Variants in CTNNBL1 observed in about 807,000 individuals in gnomAD.
CTNNBL1 encodes beta-catenin-like protein 1.
Under a neutral mutation model 72.7 loss-of-function variants are expected in CTNNBL1, and 31 were observed. The ratio of observed to expected loss-of-function variants is 0.43; its 90% CI spans 0.32 to 0.58. CTNNBL1 has a LOEUF of 0.58. Ranked by LOEUF, CTNNBL1 falls within the 20% of genes least tolerant of loss-of-function variation. The pLI, the probability that CTNNBL1 is intolerant of heterozygous loss-of-function variation, is 0.08. For synonymous variants in CTNNBL1, 240 were observed against 267.3 expected, an observed-to-expected ratio of 0.90 and a Z score of 1.00; for missense variants, 534 against 725.1, an observed-to-expected ratio of 0.74 and a Z score of 3.03.
intron 1 of CTNNBL1, among the ~76,000 whole-genome samples, chr20:37,713,873 G>A (rs1220474049): frequency 6.6e-6 from 1 of 152,094 alleles, no homozygotes; most frequent in African/African-American, 2.4e-5. Context: ...CCCACTGAGA[G>A]CCAGGCTTTG....
At chr20:37,801,920 G>A (rs2073826697) in intron 10 of CTNNBL1, among the ~76,000 whole-genome samples, 2 of 152,206 alleles carry the variant, frequency 1.3e-5, no homozygotes, top group African/African-American at 4.8e-5. Context: ...CTATCTGTTT[G>A]CAGATAACAT....
At chr20:37,763,249 A>G (rs1388381913) in intron 5 of CTNNBL1, among the ~76,000 whole-genome samples, 5 of 152,168 alleles carry the variant, frequency 3.3e-5, no homozygotes, top group East Asian at 1.9e-4. Context: ...CGTACTCAAA[A>G]TGTCCAGTTA....
intron 1 of CTNNBL1, among the ~76,000 whole-genome samples, chr20:37,723,430 T>C (rs2073058638): frequency 6.6e-6 from 1 of 152,196 alleles, no homozygotes; most frequent in South Asian, 2.1e-4. Flanking sequence ...CTGTAATTTG[T>C]TTTTAATTGG....
chr20:37,709,496 GA>G (rs992033340), intron 1 of CTNNBL1, among the ~76,000 whole-genome samples: 2 of 152,162 alleles, frequency 1.3e-5, no homozygotes, highest in African/African-American at 2.4e-5. Context: ...TGTATAAAAA[GA>G]AACAAATTGT....
chr20:37,752,205 C>G (rs1464063466), intron 4 of CTNNBL1, among the ~76,000 whole-genome samples: 1 of 152,104 alleles, frequency 6.6e-6, no homozygotes, highest in Non-Finnish European at 1.5e-5. Context: ...TGGCATGTTA[C>G]TCCCCACTGG....
At position 37,809,497 on chromosome 20, in the gene CTNNBL1, T is replaced by C. The variant is rs572704959; in HGVS notation, c.1213+6449T>C. ...GAAGATGGGGTCATTGTGAGGCTCATTGAAATCATGGCTTTAGGTCATACA... is the reference window on the plus strand; with the variant it reads ...GAAGATGGGGTCATTGTGAGGCTCACTGAAATCATGGCTTTAGGTCATACA... On this transcript the variant is annotated intron_variant, in intron 11 of 15. Coordinates refer to ENST00000361383, the MANE Select transcript of CTNNBL1 (RefSeq NM_030877.5). 1.2e-4 allele frequency among the ~76,000 whole-genome samples: 18 copies of C among 152,356 alleles called. No individual in the cohort carries two copies. The East Asian group carries it at 1.5e-3, about 13-fold the overall frequency.
chr20:37,754,039 C>T (rs1170490388), intron 4 of CTNNBL1, among the ~76,000 whole-genome samples: 5 of 152,176 alleles, frequency 3.3e-5, no homozygotes, highest in East Asian at 1.9e-4. Flanking sequence ...ATGAATATGA[C>T]ATGACCCTTG....
rs2073485061 is a variant in CTNNBL1 at position 37,767,934 on chromosome 20, G to A, written c.659-19G>A. 3.7e-6 allele frequency: 6 copies of A among 1,606,936 alleles called. No individual in the cohort carries two copies. The highest frequency in any genetic ancestry group is 5.1e-6 in the Non-Finnish European group (6 of 1,173,528). ...AACAAAGTTGTCCTCCCAAATGACTGGTGTCTGTCTCCCTTCAGCTATTGT... is the reference window on the plus strand; with the variant it reads ...AACAAAGTTGTCCTCCCAAATGACTAGTGTCTGTCTCCCTTCAGCTATTGT... On this transcript the variant is annotated intron_variant, in intron 6 of 15. Coordinates refer to ENST00000361383, the MANE Select transcript of CTNNBL1 (RefSeq NM_030877.5).
chr20:37,797,506 A>C (rs1391032335), intron 10 of CTNNBL1, among the ~76,000 whole-genome samples: 3 of 152,012 alleles, frequency 2.0e-5, no homozygotes, highest in Non-Finnish European at 4.4e-5. Flanking sequence ...TACTCACACC[A>C]TGGATTAATT....
chr20:37,812,442 A>G (rs955113801), intron 11 of CTNNBL1, among the ~76,000 whole-genome samples: 2 of 152,172 alleles, frequency 1.3e-5, no homozygotes, highest in Admixed American at 1.3e-4. Flanking sequence ...TGGGACAGCC[A>G]CTGTTTTTCA....
intron 1 of CTNNBL1, among the ~76,000 whole-genome samples, chr20:37,711,306 G>A (rs2072935976): frequency 6.6e-6 from 1 of 151,850 alleles, no homozygotes; most frequent in African/African-American, 2.4e-5. Context: ...TTGTTTCTAG[G>A]GCATTGTAAC....
intron 10 of CTNNBL1, among the ~76,000 whole-genome samples, chr20:37,797,799 GCTGCCCCT>G (rs2073791404): frequency 6.6e-6 from 1 of 152,114 alleles, no homozygotes; most frequent in African/African-American, 2.4e-5. Context: ...CTGTTTTGCT[GCTGCCCCT>G]CTTCTTACTC....
chr20:37,739,308 C>G (rs531352475), intron 3 of CTNNBL1, among the ~76,000 whole-genome samples: 1 of 151,918 alleles, frequency 6.6e-6, no homozygotes, highest in African/African-American at 2.4e-5. Context: ...TATTCTGCAC[C>G]TTGATTTTTT....
At chr20:37,741,197 C>A (rs551227713) in intron 3 of CTNNBL1, among the ~76,000 whole-genome samples, 9 of 152,194 alleles carry the variant, frequency 5.9e-5, no homozygotes, top group Non-Finnish European at 1.2e-4. Context: ...CTAACTTTAT[C>A]CTTTCCCCCA....
intron 11 of CTNNBL1, among the ~76,000 whole-genome samples, chr20:37,834,901 A>G (rs922469045): frequency 6.6e-6 from 1 of 152,246 alleles, no homozygotes; most frequent in Non-Finnish European, 1.5e-5. Context: ...ATTATACCCT[A>G]CTTACGTTCA....
intron 11 of CTNNBL1, among the ~76,000 whole-genome samples, chr20:37,806,525 A>G (rs1299215273): frequency 6.6e-6 from 1 of 152,244 alleles, no homozygotes; most frequent in African/African-American, 2.4e-5. Flanking sequence ...TGTATTAGAC[A>G]AAAGAGTCAT....
Position 37,802,820 on chromosome 20 carries a change from A to G in CTNNBL1, c.1032-47A>G, listed in dbSNP as rs767890520. ...ATACCCTTTTTTTTTTTTAAGCTCTATAATTTCCCCATGAAATACCTTATC... is the reference window on the plus strand; with the variant it reads ...ATACCCTTTTTTTTTTTTAAGCTCTGTAATTTCCCCATGAAATACCTTATC... On this transcript the variant is annotated intron_variant, in intron 10 of 15. Transcript: ENST00000361383. The G allele has an allele frequency of 6.7e-6, 10 of 1,484,184 alleles. No individual in the cohort carries two copies. In the East Asian group the frequency reaches 6.9e-5, roughly 10 times the overall value. The allele number at this position is 1,484,184 out of a possible 1,614,324, so 91.9% of individuals were successfully genotyped here. A position where few individuals can be genotyped will look rare whatever the true frequency, so the allele number is the denominator to read the frequency against.
At chr20:37,717,960 A>G (rs1354168011) in intron 1 of CTNNBL1, among the ~76,000 whole-genome samples, 1 of 152,166 alleles carries the variant, frequency 6.6e-6, no homozygotes, top group African/African-American at 2.4e-5. Flanking sequence ...AAGGCAGAAG[A>G]ATTTTTCTTA....
At chr20:37,792,243 T>C (rs540144991) in intron 10 of CTNNBL1, among the ~76,000 whole-genome samples, 1 of 152,278 alleles carries the variant, frequency 6.6e-6, no homozygotes, top group East Asian at 1.9e-4. Flanking sequence ...AAAATATCAG[T>C]TTTTGTTTTC....
Sources: gnomAD v4.1 joint callset for allele counts (sites outside exome capture counted in the v4.1 genomes callset) on GRCh38, gnomAD v4.1.1 for gene constraint, MANE v1.5 for transcripts, NCBI Gene and HGNC (gene_info 2026-07-23, HGNC 2026-07-21) for gene names.